Variants in MAD1L1 observed in about 807,000 individuals in gnomAD.
MAD1L1 encodes mitotic arrest deficient 1 like 1, also known as mitotic spindle assembly checkpoint protein MAD1.
Under a neutral mutation model 96.9 loss-of-function variants are expected in MAD1L1, and 95 were observed. The observed-to-expected ratio is 0.98, with a 90% CI of 0.83 to 1.16. The LOEUF (loss-of-function observed/expected upper bound fraction) is 1.16, where lower values mean the gene tolerates loss of function less well. Ranked by LOEUF, MAD1L1 falls within the 50% of genes most tolerant of loss-of-function variation. The pLI, the probability that MAD1L1 is intolerant of heterozygous loss-of-function variation, is 0.00. For missense variants in MAD1L1, 1,007 were observed against 954.4 expected (o/e 1.06, Z -0.73); for synonymous variants, 473 against 396.6 (o/e 1.19, Z -2.29).
rs138059368 is a variant in MAD1L1 at position 1,898,672 on chromosome 7, C to T, written c.1808-282G>A. On this transcript the variant is annotated intron_variant, in intron 17 of 18. Transcript: ENST00000265854. Reference sequence around the variant, plus strand: ...AGCCAGACTACAAGCAGCCAGGGCCCCTCCACAGGGATCAGCCCTCGGCCT... The same window carrying T: ...AGCCAGACTACAAGCAGCCAGGGCCTCTCCACAGGGATCAGCCCTCGGCCT... Among the ~76,000 whole-genome samples, 68 of 152,330 alleles carry T rather than the reference C, an allele frequency of 4.5e-4. 1 individual carries two copies. Among genetic ancestry groups the T allele is most frequent in the Middle Eastern group, 6.8e-3 (2 of 294 alleles).
Position 2,116,574 on chromosome 7 carries a change from G to A in MAD1L1, c.1073+32578C>T, listed in dbSNP as rs3778975. 9.5e-3 allele frequency among the ~76,000 whole-genome samples: 1,433 copies of A among 150,618 alleles called. 52 individuals are homozygous for A. Among genetic ancestry groups the A allele is most frequent in the East Asian group, 0.071 (353 of 4,942 alleles). ...CGTGGCAGGCCAGAGGGTTGGGGGG[G>A]GGGGGGGCTCCTGTGTGTACACAGG... On this transcript the variant is annotated intron_variant, in intron 11 of 18. Coordinates refer to ENST00000265854, the MANE Select transcript of MAD1L1 (RefSeq NM_001013836.2).
intron 18 of MAD1L1, among the ~76,000 whole-genome samples, chr7:1,822,293 T>C (rs1782165657): frequency 6.6e-6 from 1 of 152,058 alleles, no homozygotes; most frequent in African/African-American, 2.4e-5. Flanking sequence ...TAGGAAATAC[T>C]GATGAAAGGA....
chr7:2,100,983 G>A (rs7789932), intron 11 of MAD1L1, among the ~76,000 whole-genome samples: 241 of 152,318 alleles, frequency 1.6e-3, no homozygotes, highest in African/African-American at 5.5e-3. Context: ...AGTTATTAAC[G>A]AAGCCTCATT....
intron 18 of MAD1L1, chr7:1,844,392 G>A (rs1419507401): frequency 6.6e-6 from 1 of 152,454 alleles, no homozygotes; most frequent in African/African-American, 2.4e-5. Flanking sequence ...CCAGGCTGGG[G>A]GGAGACCTGG....
At chr7:1,989,599 C>G (rs1781312737) in intron 14 of MAD1L1, among the ~76,000 whole-genome samples, 2 of 152,224 alleles carry the variant, frequency 1.3e-5, no homozygotes. Context: ...GGGAGAGCAG[C>G]CTGAGCGCGA....
chr7:2,219,464 T>G lies in MAD1L1; in HGVS notation c.472-8A>C, dbSNP rs1446956794. 1 of 1,612,472 alleles carries G rather than the reference T, an allele frequency of 6.2e-7. No individual in the cohort carries two copies. The highest frequency in any genetic ancestry group is 8.5e-7 in the Non-Finnish European group (1 of 1,179,360). ...CTTCAGTGCGTTGATGGTCTAAAAG[T>G]AGAGGGGACCAGAGAGCCGCTCAGT... On this transcript the variant is annotated splice_polypyrimidine_tract_variant and splice_region_variant and intron_variant, in intron 5 of 18. Coordinates refer to ENST00000265854, the MANE Select transcript of MAD1L1 (RefSeq NM_001013836.2).
intron 10 of MAD1L1, among the ~76,000 whole-genome samples, chr7:2,161,921 T>C (rs1790159168): frequency 7.1e-6 from 1 of 140,540 alleles, no homozygotes; most frequent in Non-Finnish European, 1.6e-5. Context: ...AGCCAGCCCG[T>C]CCGGGAGGTG....
chr7:1,918,430 G>T (rs550129605), intron 17 of MAD1L1, among the ~76,000 whole-genome samples: 1 of 152,320 alleles, frequency 6.6e-6, no homozygotes, highest in African/African-American at 2.4e-5. Context: ...CACAACCGCA[G>T]TCACGCCACT....
intron 18 of MAD1L1, among the ~76,000 whole-genome samples, chr7:1,822,855 C>T (rs1782203253): frequency 6.6e-6 from 1 of 151,730 alleles, no homozygotes; most frequent in African/African-American, 2.4e-5. Context: ...TACAGCACAG[C>T]GTTATACGGC....
chr7:2,228,934 C>A (rs1164621864), intron 3 of MAD1L1, among the ~76,000 whole-genome samples: 3 of 151,972 alleles, frequency 2.0e-5, no homozygotes, highest in Admixed American at 1.3e-4. Flanking sequence ...AGGGTTTCAC[C>A]GTGTTAGCCA....
At chr7:2,036,670 G>A (rs1783449963) in intron 12 of MAD1L1, among the ~76,000 whole-genome samples, 2 of 152,130 alleles carry the variant, frequency 1.3e-5, no homozygotes, top group Non-Finnish European at 2.9e-5. Context: ...AAAAGGAAGA[G>A]CTTACCCCTA....
intron 12 of MAD1L1, among the ~76,000 whole-genome samples, chr7:2,031,122 CGA>C (rs1783206502): frequency 6.6e-6 from 1 of 152,210 alleles, no homozygotes; most frequent in South Asian, 2.1e-4. Context: ...TGCACCTACG[CGA>C]GCTCTCCTGA....
At chr7:2,071,403 C>T (rs1219640385) in intron 11 of MAD1L1, among the ~76,000 whole-genome samples, 3 of 152,210 alleles carry the variant, frequency 2.0e-5, no homozygotes, top group Non-Finnish European at 4.4e-5. Flanking sequence ...GCGTCCAGGA[C>T]GCGGGCGTCT....
intron 12 of MAD1L1, among the ~76,000 whole-genome samples, chr7:2,047,010 G>A (rs947182576): frequency 5.3e-5 from 8 of 152,180 alleles, no homozygotes; most frequent in Non-Finnish European, 5.9e-5. Flanking sequence ...CCACCAGCGC[G>A]CACATCCATG....
intron 12 of MAD1L1, among the ~76,000 whole-genome samples, chr7:2,026,550 G>A (rs924712313): frequency 1.3e-5 from 2 of 152,318 alleles, no homozygotes; most frequent in Non-Finnish European, 1.5e-5. Context: ...TGGGGCCATA[G>A]AGCATTTCTT....
At chr7:1,998,760 A>G (rs1781666467) in intron 14 of MAD1L1, among the ~76,000 whole-genome samples, 1 of 117,304 alleles carries the variant, frequency 8.5e-6, no homozygotes, top group South Asian at 3.0e-4. Context: ...GCCCCCACAC[A>G]GGCAGAAGAG....
chr7:2,115,086 G>A (rs547032143), intron 11 of MAD1L1, among the ~76,000 whole-genome samples: 12 of 152,274 alleles, frequency 7.9e-5, no homozygotes, highest in South Asian at 2.1e-4. Flanking sequence ...CCCGCCCCGC[G>A]ACCCAAGGCT....
At chr7:1,899,858 G>A (rs1007730799) in intron 17 of MAD1L1, among the ~76,000 whole-genome samples, 2 of 152,178 alleles carry the variant, frequency 1.3e-5, no homozygotes, top group South Asian at 2.1e-4. Context: ...CAGGGACAGG[G>A]GAGCCAGGTG....
intron 17 of MAD1L1, among the ~76,000 whole-genome samples, chr7:1,919,257 G>C (rs1052327575): frequency 6.6e-6 from 1 of 152,240 alleles, no homozygotes; most frequent in Non-Finnish European, 1.5e-5. Context: ...CGTGGAGCAG[G>C]ACCTCCATCC....
Sources: gnomAD v4.1 joint callset for allele counts (sites outside exome capture counted in the v4.1 genomes callset) on GRCh38, gnomAD v4.1.1 for gene constraint, MANE v1.5 for transcripts, NCBI Gene and HGNC (gene_info 2026-07-23, HGNC 2026-07-21) for gene names.